The following CDKAL1 variants were observed in gnomAD, a reference collection of about 807,000 sequenced individuals.
The protein encoded by CDKAL1 is threonylcarbamoyladenosine tRNA methylthiotransferase.
CDKAL1 carries 32 observed loss-of-function variants against 68.2 expected under a neutral mutation model. The ratio of observed to expected loss-of-function variants is 0.47; its 90% CI spans 0.35 to 0.63. The LOEUF is 0.63. Among genes scored for constraint, CDKAL1 ranks in the 30% least tolerant of loss-of-function variants. The pLI is 0.00. For missense variants in CDKAL1, 606 were observed against 696.7 expected (o/e 0.87, Z 1.47); for synonymous variants, 234 against 244.3 (o/e 0.96, Z 0.39).
At chr6:21,000,716 T>C (rs1197152032) in intron 11 of CDKAL1, among the ~76,000 whole-genome samples, 2 of 152,170 alleles carry the variant, frequency 1.3e-5, no homozygotes, top group Non-Finnish European at 2.9e-5. Flanking sequence ...CTTTTTGAAG[T>C]TATGAGCTGG....
intron 9 of CDKAL1, among the ~76,000 whole-genome samples, chr6:20,892,236 TAGGG>T (rs1761446478): frequency 6.6e-6 from 1 of 151,922 alleles, no homozygotes; most frequent in South Asian, 2.1e-4. Context: ...TGTGGAGCAG[TAGGG>T]AGGGAGAGGG....
chr6:21,163,442 C>T (rs902627269), intron 13 of CDKAL1, among the ~76,000 whole-genome samples: 1 of 152,104 alleles, frequency 6.6e-6, no homozygotes, highest in Non-Finnish European at 1.5e-5. Flanking sequence ...AATACAGTAG[C>T]CTTTAGTGTC....
intron 8 of CDKAL1, among the ~76,000 whole-genome samples, chr6:20,833,853 A>C (rs911834015): frequency 2.0e-5 from 3 of 152,036 alleles, no homozygotes; most frequent in African/African-American, 7.2e-5. Context: ...CAGTTAATGC[A>C]AGGTTGGGTA....
chr6:21,149,317 G>T lies in CDKAL1; in HGVS notation c.1299+40854G>T, dbSNP rs1040817055. 4.0e-5 allele frequency among the ~76,000 whole-genome samples: 6 copies of T among 151,836 alleles called. No individual in the cohort carries two copies. The South Asian group carries it at 1.0e-3, about 26-fold the overall frequency. On this transcript the variant is annotated intron_variant, in intron 13 of 15. Coordinates refer to ENST00000274695, the MANE Select transcript of CDKAL1 (RefSeq NM_017774.3). ...ACCTCCAGGCCTGGCTAATTTTTTT[G>T]TATTTTTTAGTAGAGACAGGGTTTC...
At chr6:20,555,530 A>G (rs1230315337) in intron 4 of CDKAL1, among the ~76,000 whole-genome samples, 1 of 151,204 alleles carries the variant, frequency 6.6e-6, no homozygotes, top group Non-Finnish European at 1.5e-5. Flanking sequence ...CTTGTTGGTC[A>G]GGCTGGTCTC....
intron 4 of CDKAL1, among the ~76,000 whole-genome samples, chr6:20,556,306 A>G (rs1231374268): frequency 6.6e-6 from 1 of 152,122 alleles, no homozygotes; most frequent in African/African-American, 2.4e-5. Flanking sequence ...CAGAGGCTGC[A>G]GTGAGCTGAG....
At chr6:21,220,034 C>G (rs1779478418) in intron 15 of CDKAL1, among the ~76,000 whole-genome samples, 1 of 152,120 alleles carries the variant, frequency 6.6e-6, no homozygotes, top group Admixed American at 6.6e-5. Flanking sequence ...TCAACTTTGC[C>G]ACACCTGTGG....
chr6:20,612,423 T>C (rs1387805652), intron 4 of CDKAL1, among the ~76,000 whole-genome samples: 2 of 151,540 alleles, frequency 1.3e-5, no homozygotes, highest in Admixed American at 1.3e-4. Flanking sequence ...CTGTTATTTT[T>C]TGTCTTTTTA....
chr6:20,954,164 T>C (rs1005361815), intron 9 of CDKAL1, among the ~76,000 whole-genome samples: 11 of 152,180 alleles, frequency 7.2e-5, no homozygotes, highest in African/African-American at 2.7e-4. Flanking sequence ...GAAAGAATAG[T>C]GATTGGAAAT....
chr6:20,996,303 T>C (rs1767103189), intron 10 of CDKAL1, among the ~76,000 whole-genome samples: 1 of 152,248 alleles, frequency 6.6e-6, no homozygotes, highest in Non-Finnish European at 1.5e-5. Context: ...ACTTTTCCTT[T>C]GCATTCATAA....
At chr6:20,835,682 G>T (rs1309868028) in intron 8 of CDKAL1, among the ~76,000 whole-genome samples, 1 of 151,950 alleles carries the variant, frequency 6.6e-6, no homozygotes, top group East Asian at 1.9e-4. Flanking sequence ...CCAGTAGCTG[G>T]GATTACAGGC....
chr6:21,059,290 T>C (rs565927184), intron 11 of CDKAL1, among the ~76,000 whole-genome samples: 7 of 152,340 alleles, frequency 4.6e-5, no homozygotes, highest in Non-Finnish European at 1.5e-5. Context: ...AGACTGATGC[T>C]GCAGTTGCAG....
intron 4 of CDKAL1, among the ~76,000 whole-genome samples, chr6:20,609,249 T>TC (rs1286630998): frequency 1.1e-4 from 12 of 111,962 alleles, no homozygotes; most frequent in Middle Eastern, 4.0e-3. Context: ...CCTTCCTTCT[T>TC]CTTCCTCCTT....
At chr6:20,715,745 C>T (rs1772061022) in intron 5 of CDKAL1, among the ~76,000 whole-genome samples, 1 of 152,082 alleles carries the variant, frequency 6.6e-6, no homozygotes, top group Admixed American at 6.6e-5. Flanking sequence ...TTGATAACAG[C>T]TATGTAGGAT....
intron 5 of CDKAL1, among the ~76,000 whole-genome samples, chr6:20,732,546 C>T (rs1434860316): frequency 6.6e-6 from 1 of 151,874 alleles, no homozygotes; most frequent in Admixed American, 6.6e-5. Flanking sequence ...CTCTGCCTCC[C>T]AAAGTGCTAG....
chr6:20,869,468 G>T (rs7766681), intron 9 of CDKAL1, among the ~76,000 whole-genome samples: 1 of 152,076 alleles, frequency 6.6e-6, no homozygotes, highest in Admixed American at 6.6e-5. Flanking sequence ...TCTACAGGCC[G>T]ATGTAGTTTT....
At chr6:20,586,214 A>G (rs1765349407) in intron 4 of CDKAL1, among the ~76,000 whole-genome samples, 1 of 152,194 alleles carries the variant, frequency 6.6e-6, no homozygotes, top group Non-Finnish European at 1.5e-5. Flanking sequence ...TACCTGTTTT[A>G]TCTCCTAGCT....
chr6:20,985,086 A>G (rs2150782711), intron 10 of CDKAL1, among the ~76,000 whole-genome samples: 1 of 152,226 alleles, frequency 6.6e-6, no homozygotes, highest in African/African-American at 2.4e-5. Flanking sequence ...CCATTTTTCA[A>G]ATACTTTTTT....
chr6:20,594,378 C>G (rs1765726757), intron 4 of CDKAL1, among the ~76,000 whole-genome samples: 1 of 152,130 alleles, frequency 6.6e-6, no homozygotes, highest in African/African-American at 2.4e-5. Context: ...GGTGTGTATA[C>G]ATCTAGGTTA....
Sources: allele counts gnomAD v4.1 joint callset (sites outside exome capture counted in the v4.1 genomes callset), GRCh38; gene constraint gnomAD v4.1.1; transcripts MANE v1.5; gene names NCBI Gene and HGNC (gene_info 2026-07-23, HGNC 2026-07-21).